The following PCSK5 variants were observed in gnomAD, a reference collection of about 807,000 sequenced individuals.
PCSK5 encodes the protein prohormone convertase 5.
PCSK5 carries 129 observed loss-of-function variants against 233.2 expected under a neutral mutation model. The ratio of observed to expected loss-of-function variants is 0.55; its 90% CI spans 0.48 to 0.64. PCSK5 has a LOEUF of 0.64. PCSK5 is among the 30% of genes least tolerant of loss of function. The pLI, the probability that PCSK5 is intolerant of heterozygous loss-of-function variation, is 0.00. For synonymous variants in PCSK5, 825 were observed against 879.2 expected, an observed-to-expected ratio of 0.94 and a Z score of 1.09; for missense variants, 2,076 against 2,430.1, an observed-to-expected ratio of 0.85 and a Z score of 3.06.
chr9:76,286,380 A>G (rs1828065935), intron 24 of PCSK5: 1 of 152,286 alleles, frequency 6.6e-6, no homozygotes, highest in South Asian at 2.1e-4. Context: ...ACATCTGAAC[A>G]CATTCAGATA....
chr9:76,058,394 C>T (rs1829903394), intron 5 of PCSK5, among the ~76,000 whole-genome samples: 1 of 152,078 alleles, frequency 6.6e-6, no homozygotes, highest in African/African-American at 2.4e-5. Flanking sequence ...AAAAACAAAA[C>T]CTACACATAG....
intron 12 of PCSK5, among the ~76,000 whole-genome samples, chr9:76,160,334 G>A (rs527835909): frequency 1.6e-4 from 24 of 152,294 alleles, no homozygotes; most frequent in Middle Eastern, 3.4e-3. Context: ...AAAGTTGTTA[G>A]CAAGTGGGAC....
chr9:76,019,921 A>G (rs1339362065), intron 3 of PCSK5, among the ~76,000 whole-genome samples: 1 of 152,236 alleles, frequency 6.6e-6, no homozygotes. Context: ...CTAATAGACC[A>G]TCACTGAAGT....
intron 3 of PCSK5, among the ~76,000 whole-genome samples, chr9:75,989,512 T>G (rs764655395): frequency 1.3e-5 from 2 of 151,366 alleles, no homozygotes; most frequent in African/African-American, 2.4e-5. Context: ...AAAAAAACAA[T>G]TATCTCATAG....
chr9:75,908,911 CTATCTATCTA>C (rs1564074694), intron 1 of PCSK5, among the ~76,000 whole-genome samples: 4 of 132,616 alleles, frequency 3.0e-5, no homozygotes, highest in African/African-American at 1.2e-4. Context: ...ATCTATCTAT[CTATCTATCTA>C]TCTCTCTATC....
At chr9:76,055,265 C>G (rs182665230) in intron 5 of PCSK5, among the ~76,000 whole-genome samples, 58 of 152,166 alleles carry the variant, frequency 3.8e-4, no homozygotes, top group African/African-American at 1.3e-3. Flanking sequence ...TTTCCTGACT[C>G]TCTTCCCCCA....
chr9:76,246,388 T>C (rs1467597914), intron 24 of PCSK5, among the ~76,000 whole-genome samples: 2 of 148,010 alleles, frequency 1.4e-5, no homozygotes, highest in African/African-American at 4.9e-5. Flanking sequence ...ATACCATTTC[T>C]AATTTATCAG....
At chr9:76,029,272 A>G (rs1563982206) in intron 5 of PCSK5, among the ~76,000 whole-genome samples, 1 of 152,178 alleles carries the variant, frequency 6.6e-6, no homozygotes, top group African/African-American at 2.4e-5. Flanking sequence ...GAGTTTTAGG[A>G]TAAGGAGTGC....
At chr9:76,130,267 A>C (rs1016480011) in intron 9 of PCSK5, among the ~76,000 whole-genome samples, 1 of 152,148 alleles carries the variant, frequency 6.6e-6, no homozygotes, top group Admixed American at 6.5e-5. Flanking sequence ...GTGTGTACAA[A>C]GTGTGTGTAA....
intron 1 of PCSK5, among the ~76,000 whole-genome samples, chr9:75,899,047 C>T (rs1258306313): frequency 2.0e-5 from 3 of 152,084 alleles, no homozygotes; most frequent in Non-Finnish European, 2.9e-5. Context: ...GTAATGGAAA[C>T]AGGAGCCATG....
At chr9:76,038,928 T>C (rs1211880634) in intron 5 of PCSK5, among the ~76,000 whole-genome samples, 1 of 152,148 alleles carries the variant, frequency 6.6e-6, no homozygotes, top group Non-Finnish European at 1.5e-5. Flanking sequence ...TCAACCAACC[T>C]TCCTGCAGGG....
intron 5 of PCSK5, among the ~76,000 whole-genome samples, chr9:76,036,065 T>C (rs1025627717): frequency 2.6e-5 from 4 of 152,196 alleles, no homozygotes; most frequent in African/African-American, 4.8e-5. Flanking sequence ...TTATTCATTT[T>C]AACATTACCA....
intron 5 of PCSK5, among the ~76,000 whole-genome samples, chr9:76,058,820 A>G (rs1325432052): frequency 6.6e-6 from 1 of 152,190 alleles, no homozygotes; most frequent in African/African-American, 2.4e-5. Context: ...ATCAGAATTA[A>G]CCAGGCATAT....
At chr9:76,149,374 G>A (rs1230673960) in intron 10 of PCSK5, among the ~76,000 whole-genome samples, 1 of 152,136 alleles carries the variant, frequency 6.6e-6, no homozygotes, top group Non-Finnish European at 1.5e-5. Context: ...ATTAACCACT[G>A]AGTAAACAGG....
chr9:76,068,151 T>G, intron 6 of PCSK5, 108 bp downstream of exon 6: 74 of 700,244 alleles, frequency 1.1e-4, no homozygotes, highest in Middle Eastern at 4.8e-4. Context: ...GGCATATCTC[T>G]ACCTAATAGT....
chr9:76,129,630 T>G (rs1822673907), intron 9 of PCSK5, among the ~76,000 whole-genome samples: 1 of 152,126 alleles, frequency 6.6e-6, no homozygotes, highest in Non-Finnish European at 1.5e-5. Flanking sequence ...TTGGTCCTTG[T>G]TTTTAAAGAC....
chr9:76,310,879 T>G lies in PCSK5; in HGVS notation c.3884+28T>G, dbSNP rs569250869. Reference sequence around the variant, plus strand: ...AAGTTTCCTTTTTAATTTTACTTCCTGCTTGTAATCACTCTCCTCTGGTAC... The same window carrying G: ...AAGTTTCCTTTTTAATTTTACTTCCGGCTTGTAATCACTCTCCTCTGGTAC... On this transcript the variant is annotated intron_variant, in intron 30 of 37. Coordinates refer to ENST00000674117, the MANE Select transcript of PCSK5 (RefSeq NM_001372043.1). 44 of 1,435,512 alleles carry G rather than the reference T, an allele frequency of 3.1e-5. No homozygotes were observed. The Admixed American group carries it at 5.0e-4, about 16-fold the overall frequency. The allele number at this position is 1,435,512 out of a possible 1,614,324, so 88.9% of individuals were successfully genotyped here.
In PCSK5 at chr9:76,107,171, T is replaced by C. The variant is rs1327827767; in HGVS notation, c.1108-80T>C. On this transcript the variant is annotated intron_variant, in intron 8 of 37. Transcript: ENST00000674117. The stretch of plus-strand genomic sequence containing the variant: ...GTATTTAACATATACCCCCATTCTA[T>C]TTTTATGAGTATATTTCTTTCTACT... 5.1e-6 allele frequency: 4 copies of C among 777,444 alleles called. No individual in the cohort carries two copies. The East Asian group carries it at 1.1e-4, about 21-fold the overall frequency. The allele number at this position is 777,444 out of a possible 1,614,324, so 48.2% of individuals were successfully genotyped here.
At chr9:76,117,819 G>C (rs1054495759) in intron 9 of PCSK5, among the ~76,000 whole-genome samples, 1 of 152,112 alleles carries the variant, frequency 6.6e-6, no homozygotes, top group Non-Finnish European at 1.5e-5. Flanking sequence ...TACACAACCA[G>C]GGAATGTTGG....
Sources: allele counts gnomAD v4.1 joint callset (sites outside exome capture counted in the v4.1 genomes callset), GRCh38; gene constraint gnomAD v4.1.1; transcripts MANE v1.5; gene names NCBI Gene and HGNC (gene_info 2026-07-23, HGNC 2026-07-21).